STEAP1B: variants seen among roughly 807,000 people sequenced by gnomAD.
STEAP1B encodes the protein STEAP family protein MGC87042.
A neutral mutation model predicts 27.9 loss-of-function variants in STEAP1B; 13 were observed. The observed-to-expected ratio is 0.47, with a 90% CI of 0.30 to 0.74. The LOEUF (loss-of-function observed/expected upper bound fraction) is 0.74, where lower values mean the gene tolerates loss of function less well. STEAP1B is among the 30% of genes least tolerant of loss of function. STEAP1B has a pLI of 0.06. For synonymous variants in STEAP1B, 86 were observed against 107.1 expected (o/e 0.80, Z 1.22); for missense variants, 250 against 298.7 (o/e 0.84, Z 1.20).
At chr7:22,487,619 A>T (rs1786234862) in intron 4 of STEAP1B, among the ~76,000 whole-genome samples, 1 of 151,850 alleles carries the variant, frequency 6.6e-6, no homozygotes. Flanking sequence ...AGCCTGACCA[A>T]CGTGGAGAAA....
intron 4 of STEAP1B, among the ~76,000 whole-genome samples, chr7:22,420,543 C>G (rs1281512389): frequency 1.3e-5 from 2 of 152,236 alleles, no homozygotes; most frequent in Non-Finnish European, 2.9e-5. Context: ...ATTGGTGAAG[C>G]TACAAATCCG....
At chr7:22,460,708 C>G (rs757649307) in intron 4 of STEAP1B, among the ~76,000 whole-genome samples, 1 of 152,130 alleles carries the variant, frequency 6.6e-6, no homozygotes, top group East Asian at 1.9e-4. Context: ...CACTCAGGGC[C>G]TGAGGCTGGG....
chr7:22,444,704 T>C (rs1785383018), intron 4 of STEAP1B, among the ~76,000 whole-genome samples: 1 of 152,238 alleles, frequency 6.6e-6, no homozygotes, highest in Non-Finnish European at 1.5e-5. Flanking sequence ...GATCTCAGGC[T>C]CGCTGCCAGT....
At chr7:22,438,717 A>T (rs1785287016) in intron 4 of STEAP1B, 1 of 1,551,576 alleles carries the variant, frequency 6.4e-7, no homozygotes, top group Non-Finnish European at 8.7e-7. Flanking sequence ...TAGTGGCCTG[A>T]AAGTTGCACA....
intron 4 of STEAP1B, among the ~76,000 whole-genome samples, chr7:22,481,298 A>C (rs1786069673): frequency 6.6e-6 from 1 of 152,230 alleles, no homozygotes; most frequent in Admixed American, 6.5e-5. Flanking sequence ...CTCTGGAGCC[A>C]GACTACCTGT....
At chr7:22,494,203 G>T (rs1786396413) in intron 2 of STEAP1B, among the ~76,000 whole-genome samples, 1 of 147,276 alleles carries the variant, frequency 6.8e-6, no homozygotes, top group African/African-American at 2.5e-5. Context: ...AGATAATTTG[G>T]AAGTTTGGAA....
At chr7:22,442,194 C>A (rs1010978915) in intron 4 of STEAP1B, among the ~76,000 whole-genome samples, 1 of 152,206 alleles carries the variant, frequency 6.6e-6, no homozygotes, top group African/African-American at 2.4e-5. Flanking sequence ...CTGCAGTGAG[C>A]GGAAGTGCCT....
Position 22,467,673 on chromosome 7 carries a change from C to CTG in STEAP1B, c.762+24891_762+24892insCA, listed in dbSNP as rs2128409810. On this transcript the variant is annotated intron_variant, in intron 4 of 4. Coordinates refer to ENST00000678116, the MANE Select transcript of STEAP1B (RefSeq NM_001382447.1). ...CCCCTTTTGCTTGGATCTCACTCTT[C>CTG]TCTTGTCTGCTGCCATGTGAGACGT... 1.3e-5 allele frequency among the ~76,000 whole-genome samples: 2 copies of CTG among 152,300 alleles called. 1 individual carries two copies. The highest frequency in any genetic ancestry group is 4.2e-4 in the South Asian group (2 of 4,816).
rs1457986338 is a variant in STEAP1B at position 22,456,970 on chromosome 7, A to ATTTTTTTTTT, written c.762+35594_762+35595insAAAAAAAAAA. Among the ~76,000 whole-genome samples, 25 of 26,154 alleles carry ATTTTTTTTTT rather than the reference A, an allele frequency of 9.6e-4. No homozygotes were observed. The Admixed American group carries it at 0.011, about 12-fold the overall frequency. 17.2% of individuals were successfully genotyped at this position (26,154 alleles called of 152,430 possible). A position where few individuals can be genotyped will look rare whatever the true frequency, so the allele number is the denominator to read the frequency against. On this transcript the variant is annotated intron_variant, in intron 4 of 4. Coordinates refer to ENST00000678116, the MANE Select transcript of STEAP1B (RefSeq NM_001382447.1). ...TAGGCAGCTATATATATATATATAT[A>ATTTTTTTTTT]TATTTTTTTTTTTTTTAAGTATCCT...
intron 1 of STEAP1B, among the ~76,000 whole-genome samples, chr7:22,496,358 T>C (rs1786440561): frequency 6.6e-6 from 1 of 152,168 alleles, no homozygotes; most frequent in Admixed American, 6.6e-5. Flanking sequence ...GTTAATGTAT[T>C]ATTAAAGAAA....
chr7:22,486,255 G>A (rs1786206757), intron 4 of STEAP1B, among the ~76,000 whole-genome samples: 2 of 152,200 alleles, frequency 1.3e-5, no homozygotes, highest in East Asian at 3.9e-4. Context: ...ATTTCTAACA[G>A]CCGCTGAAGG....
At chr7:22,437,178 A>G (rs1292594316) in intron 4 of STEAP1B, among the ~76,000 whole-genome samples, 1 of 152,236 alleles carries the variant, frequency 6.6e-6, no homozygotes, top group East Asian at 1.9e-4. Context: ...ATTATAAACT[A>G]TAGGCACTGT....
At position 22,426,797 on chromosome 7, in the gene STEAP1B, C is replaced by T. The variant is rs144389467; in HGVS notation, c.763-6961G>A. ...GAGCTTATATTCCAACAGTGGAAGA[C>T]AGACAAGAAGCAAACAAAAAGGATA... On this transcript the variant is annotated intron_variant, in intron 4 of 4. Transcript: ENST00000678116. Among the ~76,000 whole-genome samples, 387 of 152,244 alleles carry T rather than the reference C, an allele frequency of 2.5e-3. 1 individual carries two copies. Among genetic ancestry groups the T allele is most frequent in the African/African-American group, 8.9e-3 (369 of 41,546 alleles).
rs1389405569 is a variant in STEAP1B at position 22,419,475 on chromosome 7, A to G, written c.*329T>C. ...GGGTAGAGTCTTTTAATGTTGTCAGAATATTTCCATCCAACACTTTATAAA... is the reference window on the plus strand; with the variant it reads ...GGGTAGAGTCTTTTAATGTTGTCAGGATATTTCCATCCAACACTTTATAAA... On this transcript the variant is annotated 3_prime_UTR_variant, in exon 5 of 5. Transcript: ENST00000678116. 5.3e-6 allele frequency: 1 copy of G among 189,438 alleles called. No individual in the cohort carries two copies. Among genetic ancestry groups the G allele is most frequent in the Non-Finnish European group, 1.1e-5 (1 of 92,408 alleles). 11.7% of individuals were successfully genotyped at this position (189,438 alleles called of 1,614,324 possible).
At chr7:22,459,565 A>C (rs1320583792) in intron 4 of STEAP1B, among the ~76,000 whole-genome samples, 1 of 152,250 alleles carries the variant, frequency 6.6e-6, no homozygotes, top group African/African-American at 2.4e-5. Context: ...AAATACGGCA[A>C]AAGTTACACA....
chr7:22,478,307 C>A (rs550386305), intron 4 of STEAP1B, among the ~76,000 whole-genome samples: 1 of 152,216 alleles, frequency 6.6e-6, no homozygotes, highest in Admixed American at 6.5e-5. Context: ...ATCTCTCTGG[C>A]GCTGAGACTT....
chr7:22,499,155 G>C (rs1351793753), intron 1 of STEAP1B, among the ~76,000 whole-genome samples: 1 of 152,214 alleles, frequency 6.6e-6, no homozygotes, highest in Non-Finnish European at 1.5e-5. Context: ...TTTTAAAAAA[G>C]TGGAGCACAT....
intron 4 of STEAP1B, among the ~76,000 whole-genome samples, chr7:22,476,745 T>C (rs958607179): frequency 2.0e-5 from 3 of 152,186 alleles, no homozygotes; most frequent in Non-Finnish European, 2.9e-5. Flanking sequence ...CCATTTATTA[T>C]CTGGGTCAAG....
chr7:22,467,692 G>A (rs967441858), intron 4 of STEAP1B, among the ~76,000 whole-genome samples: 5 of 152,268 alleles, frequency 3.3e-5, no homozygotes, highest in East Asian at 3.9e-4. Flanking sequence ...GCTGCCATGT[G>A]AGACGTGCCT....
Sources: gnomAD v4.1 joint callset for allele counts (sites outside exome capture counted in the v4.1 genomes callset) on GRCh38, gnomAD v4.1.1 for gene constraint, MANE v1.5 for transcripts, NCBI Gene and HGNC (gene_info 2026-07-23, HGNC 2026-07-21) for gene names.